Variants in NAV2 observed in about 807,000 individuals in gnomAD.
The protein encoded by NAV2 is neuron navigator 2, also known as helicase, APC down-regulated 1.
In NAV2, 54 loss-of-function variants were observed where a neutral mutation model predicts 223.2. The observed-to-expected ratio is 0.24, with a 90% CI of 0.19 to 0.30. The LOEUF (loss-of-function observed/expected upper bound fraction) is 0.30. Among genes scored for constraint, NAV2 ranks in the 10% least tolerant of loss-of-function variants. The pLI is 1.00. For synonymous variants in NAV2, 1,279 were observed against 1,239.3 expected (o/e 1.03, Z -0.67); for missense variants, 2,806 against 3,147.5 (o/e 0.89, Z 2.60).
intron 1 of NAV2, among the ~76,000 whole-genome samples, chr11:19,804,446 A>G (rs1433209482): frequency 6.6e-6 from 1 of 152,152 alleles, no homozygotes; most frequent in Non-Finnish European, 1.5e-5. Flanking sequence ...GGTGGATCTT[A>G]TTTTAATCTT....
At chr11:19,849,820 C>T (rs1295433503) in intron 3 of NAV2, among the ~76,000 whole-genome samples, 1 of 152,226 alleles carries the variant, frequency 6.6e-6, no homozygotes, top group East Asian at 1.9e-4. Flanking sequence ...GCATCCACTG[C>T]TTCCCACCCA....
chr11:19,696,050 A>G (rs2049329812), intron 1 of NAV2, among the ~76,000 whole-genome samples: 2 of 152,100 alleles, frequency 1.3e-5, no homozygotes, highest in African/African-American at 4.8e-5. Flanking sequence ...CAGGAGAAAA[A>G]GCAAAATGCT....
rs1357881076 is a variant in NAV2 at position 19,983,072 on chromosome 11, A to C, written c.2646-1053A>C. Among the ~76,000 whole-genome samples, 3 of 152,178 alleles carry C rather than the reference A, an allele frequency of 2.0e-5. No individual in the cohort carries two copies. In the South Asian group the frequency reaches 6.2e-4, roughly 32 times the overall value. ...GCAGGGTGATCTGATGGGGCCCATA[A>C]GGGATTGAAGGGATCCAAGTTTGGT... On this transcript the variant is annotated intron_variant, in intron 10 of 37. Coordinates refer to ENST00000349880, the MANE Select transcript of NAV2 (RefSeq NM_145117.5).
At chr11:19,992,583 C>CCT (rs1555183527) in intron 11 of NAV2, among the ~76,000 whole-genome samples, 6 of 103,582 alleles carry the variant, frequency 5.8e-5, no homozygotes, top group Non-Finnish European at 1.1e-4. Flanking sequence ...TCCTGAAGTA[C>CCT]TTTTTTTTTT....
intron 6 of NAV2, among the ~76,000 whole-genome samples, chr11:19,899,071 G>A (rs537695772): frequency 6.6e-6 from 1 of 152,260 alleles, no homozygotes; most frequent in East Asian, 1.9e-4. Context: ...CGTGAGGTGT[G>A]AATGAATTCT....
At chr11:19,871,561 C>T (rs1275193973) in intron 4 of NAV2, among the ~76,000 whole-genome samples, 12 of 152,108 alleles carry the variant, frequency 7.9e-5, no homozygotes. Context: ...CCATGTAGCT[C>T]CCGGGGCACT....
At chr11:20,108,905 A>G (rs2062398194) in intron 36 of NAV2, among the ~76,000 whole-genome samples, 1 of 152,260 alleles carries the variant, frequency 6.6e-6, no homozygotes, top group African/African-American at 2.4e-5. Flanking sequence ...ATCAGCAGAC[A>G]TCACATGTGG....
At chr11:20,104,024 G>A (rs1400573509) in intron 34 of NAV2, among the ~76,000 whole-genome samples, 1 of 152,208 alleles carries the variant, frequency 6.6e-6, no homozygotes, top group African/African-American at 2.4e-5. Flanking sequence ...TGCTGTCATA[G>A]GGTCAAGGGG....
At chr11:19,545,827 T>A (rs2044481879) in intron 1 of NAV2, among the ~76,000 whole-genome samples, 1 of 151,914 alleles carries the variant, frequency 6.6e-6, no homozygotes, top group Non-Finnish European at 1.5e-5. Flanking sequence ...CCCAAGACAA[T>A]GCTTCTTCTT....
At chr11:19,999,940 C>T (rs984938030) in intron 11 of NAV2, among the ~76,000 whole-genome samples, 3 of 152,296 alleles carry the variant, frequency 2.0e-5, no homozygotes, top group South Asian at 2.1e-4. Flanking sequence ...ATACCTAAAT[C>T]GGCCAGGATA....
Position 19,864,120 on chromosome 11 carries a change from AC to A in NAV2, c.439-4804del, listed in dbSNP as rs138304143. Among the ~76,000 whole-genome samples the A allele has an allele frequency of 6.4e-3, 978 of 152,346 alleles. 11 individuals are homozygous for A. Among genetic ancestry groups the A allele is most frequent in the African/African-American group, 0.023 (941 of 41,584 alleles). On this transcript the variant is annotated intron_variant, in intron 3 of 37. Coordinates refer to ENST00000349880, the MANE Select transcript of NAV2 (RefSeq NM_145117.5). ...CTAAGCTTTAGGCATTTCATGATTT[AC>A]AAAAATGGTTGTGACCATGCCTGAC...
chr11:19,996,030 G>A (rs919428679), intron 11 of NAV2, among the ~76,000 whole-genome samples: 3 of 152,286 alleles, frequency 2.0e-5, no homozygotes, highest in East Asian at 1.9e-4. Flanking sequence ...ACTCCTGAGT[G>A]TCAGAGGACA....
chr11:19,978,662 T>G (rs1017861522), intron 10 of NAV2: 2 of 151,434 alleles, frequency 1.3e-5, no homozygotes, highest in African/African-American at 4.9e-5. Flanking sequence ...TTTTTTTTTT[T>G]TTTTTTTTTT....
At chr11:20,086,781 C>T (rs965493374) in intron 26 of NAV2, among the ~76,000 whole-genome samples, 2 of 151,930 alleles carry the variant, frequency 1.3e-5, no homozygotes, top group African/African-American at 4.8e-5. Flanking sequence ...GAGAGCCATC[C>T]TGGGATATTC....
chr11:19,878,976 A>G (rs1408791898), intron 4 of NAV2, among the ~76,000 whole-genome samples: 1 of 152,130 alleles, frequency 6.6e-6, no homozygotes, highest in Non-Finnish European at 1.5e-5. Flanking sequence ...AGGAAAGCAG[A>G]GAGTGTTGAG....
At chr11:19,939,273 A>G (rs1469782490) in intron 7 of NAV2, among the ~76,000 whole-genome samples, 1 of 152,052 alleles carries the variant, frequency 6.6e-6, no homozygotes, top group Non-Finnish European at 1.5e-5. Context: ...AGTCATCTTT[A>G]TGTTTGACTT....
intron 1 of NAV2, among the ~76,000 whole-genome samples, chr11:19,808,577 A>G (rs2058696178): frequency 6.6e-6 from 1 of 152,240 alleles, no homozygotes; most frequent in Non-Finnish European, 1.5e-5. Context: ...TATCTCTGGC[A>G]AAAGAGATTT....
At chr11:19,568,703 A>C (rs1239778970) in intron 1 of NAV2, among the ~76,000 whole-genome samples, 1 of 152,198 alleles carries the variant, frequency 6.6e-6, no homozygotes, top group Admixed American at 6.5e-5. Context: ...AAAGATGGTG[A>C]GCACTTGCCC....
Position 20,050,707 on chromosome 11 carries a change from A to G in NAV2, c.4437-582A>G, listed in dbSNP as rs540636430. On this transcript the variant is annotated intron_variant, in intron 16 of 37. Coordinates refer to ENST00000349880, the MANE Select transcript of NAV2 (RefSeq NM_145117.5). Reference sequence around the variant, plus strand: ...ACTTCATCAGCCAGCAAGTTGTAACATGCCCCACCCAGGACTCAGCTCCTA... The same window carrying G: ...ACTTCATCAGCCAGCAAGTTGTAACGTGCCCCACCCAGGACTCAGCTCCTA... Among the ~76,000 whole-genome samples, 9 of 152,294 alleles carry G rather than the reference A, an allele frequency of 5.9e-5. No individual in the cohort carries two copies. The East Asian group carries it at 1.7e-3, about 29-fold the overall frequency.
Sources: allele counts gnomAD v4.1 joint callset (sites outside exome capture counted in the v4.1 genomes callset), GRCh38; gene constraint gnomAD v4.1.1; transcripts MANE v1.5; gene names NCBI Gene and HGNC (gene_info 2026-07-23, HGNC 2026-07-21).